Variants in CENPP observed in about 807,000 individuals in gnomAD.
CENPP encodes centromere protein P.
CENPP carries 24 observed loss-of-function variants against 35.6 expected under a neutral mutation model. The ratio of observed to expected loss-of-function variants is 0.67; its 90% CI spans 0.49 to 0.95. The LOEUF (loss-of-function observed/expected upper bound fraction) is 0.95, where lower values mean the gene tolerates loss of function less well. Ranked by LOEUF, CENPP falls within the 40% of genes least tolerant of loss-of-function variation. The probability of loss-of-function intolerance (pLI) is 0.00; values close to 1 mark genes in which losing one functional copy is unlikely to be tolerated. For synonymous variants in CENPP, 120 were observed against 125.5 expected, an observed-to-expected ratio of 0.96 and a Z score of 0.29; for missense variants, 332 against 345.3, an observed-to-expected ratio of 0.96 and a Z score of 0.31.
chr9:92,497,127 A>T (rs1846391898), intron 5 of CENPP, among the ~76,000 whole-genome samples: 1 of 152,210 alleles, frequency 6.6e-6, no homozygotes, highest in African/African-American at 2.4e-5. Flanking sequence ...TTTTATCCCA[A>T]AGTTAAACTG....
rs56218626 is a variant in CENPP, at chr9:92,449,437, C to CA, written c.564+69619dup. On this transcript the variant is annotated intron_variant, in intron 5 of 7. Coordinates refer to ENST00000375587, the MANE Select transcript of CENPP (RefSeq NM_001012267.3). Reference sequence around the variant, plus strand: ...TGGGTGATGAGCGAGACTCTATCTCCAAAAAAAAAAAAAAAAAAAAAAAAA... The same window carrying CA: ...TGGGTGATGAGCGAGACTCTATCTCCAAAAAAAAAAAAAAAAAAAAAAAAAA... Among the ~76,000 whole-genome samples, 22 of 54,954 alleles carry CA rather than the reference C, an allele frequency of 4.0e-4. 1 individual carries two copies. The highest frequency in any genetic ancestry group is 1.9e-3 in the Admixed American group (7 of 3,604). 36.1% of individuals were successfully genotyped at this position (54,954 alleles called of 152,430 possible). A position where few individuals can be genotyped will look rare whatever the true frequency, so the allele number is the denominator to read the frequency against.
At position 92,617,888 on chromosome 9, in the gene CENPP, G is replaced by A; in HGVS notation, c.*4739G>A. The A allele has an allele frequency of 4.5e-6, 1 of 220,720 alleles. No homozygotes were observed. The highest frequency in any genetic ancestry group is 1.2e-4 in the East Asian group (1 of 8,672). 13.7% of individuals were successfully genotyped at this position (220,720 alleles called of 1,614,324 possible). On this transcript the variant is annotated 3_prime_UTR_variant, in exon 8 of 8. Coordinates refer to ENST00000375587, the MANE Select transcript of CENPP (RefSeq NM_001012267.3). ...ACTTGAGACATTTTCCTTTATGACA[G>A]GGCAGAAACAGTAGTGCAGAGCTGG... is the stretch of plus-strand genomic sequence containing the variant.
intron 5 of CENPP, chr9:92,600,281 C>G: frequency 6.9e-7 from 1 of 1,440,952 alleles, no homozygotes; most frequent in Non-Finnish European, 9.1e-7. Context: ...CCCTGGCTCT[C>G]TTCCTGTCCA....
intron 5 of CENPP, chr9:92,500,923 T>C (rs1281925022): frequency 6.2e-7 from 1 of 1,614,056 alleles, no homozygotes; most frequent in Non-Finnish European, 8.5e-7. Flanking sequence ...CCTGGTTCCA[T>C]GTGGCCAAAC....
intron 5 of CENPP, among the ~76,000 whole-genome samples, chr9:92,391,164 A>G (rs1842662902): frequency 6.6e-6 from 1 of 151,860 alleles, no homozygotes; most frequent in African/African-American, 2.4e-5. Flanking sequence ...TGGGAGGCCA[A>G]GGTGGGCGGA....
At chr9:92,327,006 GGT>G (rs1264048178) in intron 1 of CENPP, among the ~76,000 whole-genome samples, 3 of 152,284 alleles carry the variant, frequency 2.0e-5, no homozygotes, top group East Asian at 1.9e-4. Flanking sequence ...AGAGGAAAAA[GGT>G]GTGCTCCTCC....
chr9:92,547,967 AAG>A lies in CENPP; in HGVS notation c.565-63345_565-63344del, dbSNP rs1849508040. Among the ~76,000 whole-genome samples the A allele has an allele frequency of 2.0e-5, 3 of 152,218 alleles. No individual in the cohort carries two copies. The South Asian group carries it at 6.2e-4, about 32-fold the overall frequency. On this transcript the variant is annotated intron_variant, in intron 5 of 7. Coordinates refer to ENST00000375587, the MANE Select transcript of CENPP (RefSeq NM_001012267.3). ...TTTCCTTCATTTTCTTATGGGAAAA[AAG>A]AAGTAAAGGAAGGAAAAACTGTTAC...
At chr9:92,557,613 T>C (rs1205877546) in intron 5 of CENPP, among the ~76,000 whole-genome samples, 1 of 152,130 alleles carries the variant, frequency 6.6e-6, no homozygotes, top group Non-Finnish European at 1.5e-5. Flanking sequence ...TCAGTTCTAT[T>C]GCTGAGACTT....
At chr9:92,430,225 G>A (rs186677776) in intron 5 of CENPP, among the ~76,000 whole-genome samples, 32 of 152,200 alleles carry the variant, frequency 2.1e-4, no homozygotes, top group African/African-American at 7.0e-4. Flanking sequence ...CCTGTATGCT[G>A]CGTTTTCTGG....
chr9:92,493,907 A>G, intron 5 of CENPP: 1 of 454,360 alleles, frequency 2.2e-6, no homozygotes, highest in South Asian at 4.0e-5. Context: ...GCAAGCCCAC[A>G]GTGCGTCTGC....
intron 5 of CENPP, among the ~76,000 whole-genome samples, chr9:92,529,377 C>T (rs147900697): frequency 6.6e-6 from 1 of 152,260 alleles, no homozygotes; most frequent in African/African-American, 2.4e-5. Flanking sequence ...ATGGTACAGC[C>T]ACTTTGGAAG....
At chr9:92,468,594 G>A (rs1298989456) in intron 5 of CENPP, among the ~76,000 whole-genome samples, 1 of 152,166 alleles carries the variant, frequency 6.6e-6, no homozygotes, top group Non-Finnish European at 1.5e-5. Flanking sequence ...AGAATTTGTA[G>A]AATGTCTAAA....
intron 5 of CENPP, among the ~76,000 whole-genome samples, chr9:92,442,748 C>G (rs560975026): frequency 1.6e-4 from 24 of 151,664 alleles, no homozygotes; most frequent in South Asian, 4.2e-4. Flanking sequence ...GCTTGGGAGG[C>G]TGAGGCAGGA....
chr9:92,386,158 C>A (rs781352587), intron 5 of CENPP: 32 of 1,430,954 alleles, frequency 2.2e-5, no homozygotes, highest in Non-Finnish European at 2.9e-5. Flanking sequence ...GATTTTGACT[C>A]ATAGGTAATT....
chr9:92,352,502 T>TAC (rs1841478943), intron 4 of CENPP, among the ~76,000 whole-genome samples: 1 of 107,302 alleles, frequency 9.3e-6, no homozygotes, highest in Non-Finnish European at 1.8e-5. Flanking sequence ...TGTGTGTGTG[T>TAC]GTGTATACAT....
intron 4 of CENPP, among the ~76,000 whole-genome samples, chr9:92,369,998 CTTAG>C (rs1001879863): frequency 4.6e-5 from 7 of 152,198 alleles, no homozygotes; most frequent in Admixed American, 1.3e-4. Flanking sequence ...GCCCTCCATG[CTTAG>C]TTTGTTGAGT....
chr9:92,446,589 T>G (rs1423960474), intron 5 of CENPP, among the ~76,000 whole-genome samples: 1 of 152,156 alleles, frequency 6.6e-6, no homozygotes, highest in Non-Finnish European at 1.5e-5. Flanking sequence ...ATTGTGTTCC[T>G]AAGGTGTGAA....
At chr9:92,416,463 C>T (rs1338441838) in intron 5 of CENPP, among the ~76,000 whole-genome samples, 1 of 152,188 alleles carries the variant, frequency 6.6e-6, no homozygotes, top group Non-Finnish European at 1.5e-5. Flanking sequence ...CTGAATAGCA[C>T]ACATTTCTCT....
chr9:92,417,271 G>A (rs769740723), intron 5 of CENPP: 1 of 1,613,976 alleles, frequency 6.2e-7, no homozygotes, highest in East Asian at 2.2e-5. Flanking sequence ...ACTGAAGGTA[G>A]AGTTGCTGAA....
Sources: gnomAD v4.1 joint callset for allele counts (sites outside exome capture counted in the v4.1 genomes callset) on GRCh38, gnomAD v4.1.1 for gene constraint, MANE v1.5 for transcripts, NCBI Gene and HGNC (gene_info 2026-07-23, HGNC 2026-07-21) for gene names.